KIF5C: variants seen among roughly 807,000 people sequenced by gnomAD.
KIF5C encodes the protein kinesin family member 5C, also known as kinesin heavy chain isoform 5C.
Under a neutral mutation model 125.2 loss-of-function variants are expected in KIF5C, and 18 were observed. That is an observed-to-expected ratio of 0.14 (90% CI 0.10 to 0.21). KIF5C has a LOEUF of 0.21. Ranked by LOEUF, KIF5C falls within the 10% of genes least tolerant of loss-of-function variation. The pLI, the probability that KIF5C is intolerant of heterozygous loss-of-function variation, is 1.00. For synonymous variants in KIF5C, 405 were observed against 434.0 expected, an observed-to-expected ratio of 0.93 and a Z score of 0.83; for missense variants, 780 against 1,183.8, an observed-to-expected ratio of 0.66 and a Z score of 5.01.
chr2:149,018,773 G>T (rs768050082), intron 25 of KIF5C, among the ~76,000 whole-genome samples: 6 of 152,164 alleles, frequency 3.9e-5, no homozygotes, highest in Non-Finnish European at 5.9e-5. Flanking sequence ...ATTTGAGGCT[G>T]TGGTGAGCCA....
intron 7 of KIF5C, 98 bp from the exon 8 acceptor site, chr2:148,946,801 G>A: frequency 6.6e-7 from 1 of 1,520,712 alleles, no homozygotes; most frequent in Non-Finnish European, 8.8e-7. Context: ...TCAATGAAAT[G>A]GATCTATTAG....
At chr2:148,941,844 C>T (rs1682414036) in intron 5 of KIF5C, 91 bp from the exon 6 acceptor site, 1 of 1,521,692 alleles carries the variant, frequency 6.6e-7, no homozygotes, top group Admixed American at 2.2e-5. Flanking sequence ...TTAGATTTGA[C>T]TGTCTTTGTA....
At chr2:148,973,297 T>G (rs1480400396) in intron 11 of KIF5C, 39 bp from the exon 12 acceptor site, 1 of 1,580,276 alleles carries the variant, frequency 6.3e-7, no homozygotes, top group Non-Finnish European at 8.6e-7. Flanking sequence ...GCATACTCAA[T>G]TTCTTTAATC....
At chr2:148,945,721 C>A (rs555676518) in intron 7 of KIF5C, among the ~76,000 whole-genome samples, 1 of 152,264 alleles carries the variant, frequency 6.6e-6, no homozygotes, top group Non-Finnish European at 1.5e-5. Context: ...CCCTTCCCCT[C>A]AAGTCCCCAA....
intron 23 of KIF5C, among the ~76,000 whole-genome samples, chr2:149,008,618 C>CA (rs1400502296): frequency 4.6e-5 from 7 of 152,290 alleles, no homozygotes; most frequent in African/African-American, 1.7e-4. Flanking sequence ...TCTAGAGTGA[C>CA]AGAGAGTGAT....
At chr2:148,900,844 A>G (rs1390614063) in intron 1 of KIF5C, among the ~76,000 whole-genome samples, 2 of 152,142 alleles carry the variant, frequency 1.3e-5, no homozygotes, top group Non-Finnish European at 2.9e-5. Context: ...TGGGGCCACA[A>G]GGAGGGTACC....
At chr2:148,925,641 C>A (rs1301320545) in intron 2 of KIF5C, among the ~76,000 whole-genome samples, 1 of 152,158 alleles carries the variant, frequency 6.6e-6, no homozygotes, top group Non-Finnish European at 1.5e-5. Context: ...CTTCTGTACT[C>A]CCCTGCCCCC....
chr2:149,020,931 C>A (rs1257844329), intron 25 of KIF5C, among the ~76,000 whole-genome samples: 2 of 152,248 alleles, frequency 1.3e-5, no homozygotes, highest in Non-Finnish European at 2.9e-5. Flanking sequence ...TCTGTGACTT[C>A]TAAAAATGAC....
At chr2:148,931,325 G>A (rs1682179906) in intron 3 of KIF5C, among the ~76,000 whole-genome samples, 1 of 152,184 alleles carries the variant, frequency 6.6e-6, no homozygotes, top group African/African-American at 2.4e-5. Context: ...ATGCTCCCCA[G>A]TGTAAAATCT....
intron 11 of KIF5C, among the ~76,000 whole-genome samples, chr2:148,963,818 C>A (rs1682985606): frequency 6.6e-6 from 1 of 152,136 alleles, no homozygotes; most frequent in African/African-American, 2.4e-5. Flanking sequence ...TTTTGCATCT[C>A]TTGCCAAACT....
chr2:149,013,582 G>C (rs1682275289), intron 25 of KIF5C, among the ~76,000 whole-genome samples: 1 of 152,176 alleles, frequency 6.6e-6, no homozygotes, highest in African/African-American at 2.4e-5. Context: ...GTGCATTATG[G>C]ACCACCTAAT....
intron 1 of KIF5C, among the ~76,000 whole-genome samples, chr2:148,900,650 ATCGACACCT>A (rs1308630547): frequency 6.6e-6 from 1 of 152,236 alleles, no homozygotes; most frequent in Non-Finnish European, 1.5e-5. Flanking sequence ...CTGGTCAGAG[ATCGACACCT>A]TTACTCTCTA....
intron 1 of KIF5C, among the ~76,000 whole-genome samples, chr2:148,893,800 T>A (rs764079039): frequency 1.1e-4 from 17 of 152,240 alleles, no homozygotes; most frequent in Non-Finnish European, 8.8e-5. Flanking sequence ...ATTTTCATGA[T>A]TATTTTTAGT....
At chr2:148,981,172 A>G (rs1054183349) in intron 13 of KIF5C, among the ~76,000 whole-genome samples, 183 bp from the exon 14 acceptor site, 1 of 152,230 alleles carries the variant, frequency 6.6e-6, no homozygotes, top group African/African-American at 2.4e-5. Flanking sequence ...CAATAAGAAC[A>G]TATCTGTCTT....
intron 15 of KIF5C, among the ~76,000 whole-genome samples, chr2:148,989,794 A>G (rs1681477974): frequency 1.3e-5 from 2 of 152,084 alleles, no homozygotes; most frequent in African/African-American, 4.8e-5. Context: ...TTGAATTCTT[A>G]TGGTAAGGTT....
chr2:149,005,314 G>C, intron 21 of KIF5C, 79 bp from the exon 22 acceptor site: 1 of 1,562,346 alleles, frequency 6.4e-7, no homozygotes, highest in African/African-American at 1.4e-5. Flanking sequence ...GGGAAGTGTC[G>C]GGGGAATGAT....
chr2:148,988,037 G>A (rs973244902), intron 15 of KIF5C, among the ~76,000 whole-genome samples: 2 of 152,048 alleles, frequency 1.3e-5, no homozygotes, highest in Non-Finnish European at 2.9e-5. Flanking sequence ...ATTTCATGAC[G>A]GTGTGGTCTT....
chr2:149,016,738 GGA>G (rs1173146327), intron 25 of KIF5C, among the ~76,000 whole-genome samples: 1 of 152,200 alleles, frequency 6.6e-6, no homozygotes, highest in African/African-American at 2.4e-5. Flanking sequence ...CTGGAGCACA[GGA>G]GAGAGGCTGA....
chr2:148,941,955 G>C lies in KIF5C; in HGVS notation c.466G>C (p.Val156Leu), dbSNP rs762866665. ...LLDVSKTNLA[V>L]HEDKNRVPYV... is the part of the protein sequence containing the mutation. ...TTTAGTATCCAAGACCAACTTGGCT[G>C]TTCATGAAGATAAAAACAGAGTCCC... Residue 156 changes from valine (V) to leucine (L), a missense_variant, in exon 6 of 26, where the codon GTT becomes CTT. By Grantham distance (32) the Val-to-Leu change is conservative. Coordinates refer to ENST00000435030, the MANE Select transcript of KIF5C (RefSeq NM_004522.3). 13 of 1,611,896 alleles carry C rather than the reference G, an allele frequency of 8.1e-6. No individual in the cohort carries two copies. Among genetic ancestry groups the C allele is most frequent in the Non-Finnish European group, 1.1e-5 (13 of 1,179,520 alleles).
Sources: gnomAD v4.1 joint callset for allele counts (sites outside exome capture counted in the v4.1 genomes callset) on GRCh38, gnomAD v4.1.1 for gene constraint, MANE v1.5 for transcripts, NCBI Gene and HGNC (gene_info 2026-07-23, HGNC 2026-07-21) for gene names.